Variants in SOX5 observed in about 807,000 individuals in gnomAD.
SOX5 encodes transcription factor SOX-5.
A neutral mutation model predicts 92.0 loss-of-function variants in SOX5; 9 were observed. The observed-to-expected ratio is 0.10, with a 90% CI of 0.06 to 0.17. SOX5 has a LOEUF of 0.17. SOX5 is among the 10% of genes least tolerant of loss of function. The probability of loss-of-function intolerance (pLI) is 1.00; values close to 1 mark genes in which losing one functional copy is unlikely to be tolerated. For synonymous variants in SOX5, 344 were observed against 336.3 expected (o/e 1.02, Z -0.25); for missense variants, 642 against 944.5 (o/e 0.68, Z 4.20).
At position 24,275,808 on chromosome 12, in the gene SOX5, TG is replaced by T. The variant is rs1255182772; in HGVS notation, c.-77+1407del. Among the ~76,000 whole-genome samples, 13 of 152,152 alleles carry T rather than the reference TG, an allele frequency of 8.5e-5. 1 individual carries two copies. Among genetic ancestry groups the T allele is most frequent in the Admixed American group, 8.5e-4 (13 of 15,268 alleles). ...GTGGCCAAATTCCTTCCTGGAAAGT[TG>T]AACAAACACAAGGTTTCCCCAAAAT... On this transcript the variant is annotated intron_variant, in intron 3 of 4. Coordinates refer to the SOX5 transcript ENST00000446891.
chr12:23,713,088 A>T (rs964448894), intron 6 of SOX5, among the ~76,000 whole-genome samples: 5 of 152,216 alleles, frequency 3.3e-5, no homozygotes, highest in Non-Finnish European at 5.9e-5. Context: ...TAAATCAAAG[A>T]GTAGTTTCCT....
chr12:24,071,882 T>C (rs1001532755), intron 4 of SOX5, among the ~76,000 whole-genome samples: 7 of 152,250 alleles, frequency 4.6e-5, no homozygotes, highest in Admixed American at 2.0e-4. Flanking sequence ...ATCACTTCCA[T>C]GATAGCATCT....
intron 1 of SOX5, among the ~76,000 whole-genome samples, chr12:24,547,428 T>C (rs557580884): frequency 1.6e-4 from 25 of 151,592 alleles, no homozygotes; most frequent in African/African-American, 2.7e-4. Context: ...CCTGACCTCA[T>C]GATCCACCCG....
At chr12:24,265,476 G>A (rs1324025314) in intron 3 of SOX5, among the ~76,000 whole-genome samples, 3 of 152,128 alleles carry the variant, frequency 2.0e-5, no homozygotes, top group African/African-American at 4.8e-5. Context: ...TCCAGGAAGC[G>A]GAGATTGTAG....
At chr12:23,863,779 C>T (rs4963720) in intron 2 of SOX5, among the ~76,000 whole-genome samples, 64,168 of 148,074 alleles carry the variant, frequency 0.43, 14,299 homozygotes, top group East Asian at 0.57. Flanking sequence ...TCCTAAATAA[C>T]ATTTTAAACA....
intron 4 of SOX5, among the ~76,000 whole-genome samples, chr12:24,164,973 A>C (rs980002906): frequency 3.9e-5 from 6 of 152,112 alleles, no homozygotes; most frequent in African/African-American, 1.2e-4. Context: ...AAAGCAATAT[A>C]AAGTATGTTT....
At chr12:24,313,528 CA>C (rs112800223) in intron 2 of SOX5, among the ~76,000 whole-genome samples, 1 of 151,534 alleles carries the variant, frequency 6.6e-6, no homozygotes, top group Non-Finnish European at 1.5e-5. Context: ...AGAATGTATC[CA>C]AAAAAAATAC....
intron 8 of SOX5, among the ~76,000 whole-genome samples, chr12:23,613,884 T>G (rs2076252052): frequency 6.6e-6 from 1 of 152,092 alleles, no homozygotes; most frequent in Non-Finnish European, 1.5e-5. Context: ...ATTAGGAAGT[T>G]AGTGTTTAAT....
intron 8 of SOX5, among the ~76,000 whole-genome samples, chr12:23,612,811 C>T (rs1180809951): frequency 1.3e-5 from 2 of 152,076 alleles, no homozygotes; most frequent in East Asian, 1.9e-4. Flanking sequence ...CAGGGAATAT[C>T]ATTTGTGAGC....
At chr12:23,719,435 C>T (rs2092685918) in intron 6 of SOX5, among the ~76,000 whole-genome samples, 1 of 152,070 alleles carries the variant, frequency 6.6e-6, no homozygotes, top group Non-Finnish European at 1.5e-5. Flanking sequence ...TACCAGGGTA[C>T]TAATGTTTCT....
intron 8 of SOX5, among the ~76,000 whole-genome samples, chr12:23,605,827 C>G (rs918927539): frequency 6.6e-6 from 1 of 151,680 alleles, no homozygotes; most frequent in Non-Finnish European, 1.5e-5. Context: ...TTAAAGTTAT[C>G]GATAAAAATT....
intron 4 of SOX5, among the ~76,000 whole-genome samples, chr12:24,192,699 C>T (rs1036089450): frequency 2.0e-5 from 3 of 152,184 alleles, no homozygotes; most frequent in Admixed American, 2.0e-4. Flanking sequence ...AAACAAACCA[C>T]GACATTCTTG....
At chr12:24,332,290 C>T (rs1441050256) in intron 2 of SOX5, among the ~76,000 whole-genome samples, 1 of 152,164 alleles carries the variant, frequency 6.6e-6, no homozygotes, top group Non-Finnish European at 1.5e-5. Flanking sequence ...ATACTGTATG[C>T]TAGAAGTCAG....
chr12:23,942,294 T>C (rs1041367981), intron 1 of SOX5, among the ~76,000 whole-genome samples: 3 of 151,912 alleles, frequency 2.0e-5, no homozygotes, highest in Admixed American at 6.6e-5. Context: ...AAAGATCTTA[T>C]GTAAAAGTTT....
intron 7 of SOX5, among the ~76,000 whole-genome samples, chr12:23,642,296 C>A (rs10842200): frequency 0.23 from 34,300 of 151,998 alleles, 4,593 homozygotes; most frequent in Middle Eastern, 0.32. Flanking sequence ...CAAAAGCTTA[C>A]AGTTTAATGG....
chr12:24,506,042 G>A (rs1369422547), intron 1 of SOX5, among the ~76,000 whole-genome samples: 1 of 152,096 alleles, frequency 6.6e-6, no homozygotes, highest in Non-Finnish European at 1.5e-5. Flanking sequence ...TTTTCCTCAT[G>A]ATATACTATT....
chr12:23,815,715 G>A lies in SOX5; in HGVS notation c.481+30268C>T, dbSNP rs139411869. Among the ~76,000 whole-genome samples, 151 of 152,272 alleles carry A rather than the reference G, an allele frequency of 9.9e-4. No individual in the cohort carries two copies. The East Asian group carries it at 0.025, about 25-fold the overall frequency. ...AAATGTCCACTAGGATCAGAGCCAG[G>A]AGCCCTTGTGTGAATGGTTCTGGTC... is the stretch of plus-strand genomic sequence containing the variant. On this transcript the variant is annotated intron_variant, in intron 3 of 14. Coordinates refer to ENST00000451604, the MANE Select transcript of SOX5 (RefSeq NM_006940.6).
chr12:24,084,241 G>A (rs1043826532), intron 4 of SOX5, among the ~76,000 whole-genome samples: 1 of 152,030 alleles, frequency 6.6e-6, no homozygotes, highest in Admixed American at 6.6e-5. Context: ...GCAGTCCAAG[G>A]GGATAAATTC....
intron 4 of SOX5, among the ~76,000 whole-genome samples, chr12:24,031,938 A>T (rs892119652): frequency 6.6e-6 from 1 of 151,982 alleles, no homozygotes; most frequent in African/African-American, 2.4e-5. Context: ...GGCATGAGAT[A>T]GCCAAATAGA....
Sources: allele counts gnomAD v4.1 joint callset (sites outside exome capture counted in the v4.1 genomes callset), GRCh38; gene constraint gnomAD v4.1.1; transcripts MANE v1.5; gene names NCBI Gene and HGNC (gene_info 2026-07-23, HGNC 2026-07-21).